The following SPIDR variants were observed in gnomAD, a reference collection of about 807,000 sequenced individuals.
The protein encoded by SPIDR is DNA repair-scaffolding protein.
Under a neutral mutation model 104.6 loss-of-function variants are expected in SPIDR, and 93 were observed. The observed-to-expected ratio is 0.89, with a 90% CI of 0.75 to 1.06. The LOEUF (loss-of-function observed/expected upper bound fraction) is 1.06, where lower values mean the gene tolerates loss of function less well. SPIDR is among the 50% of genes least tolerant of loss of function. SPIDR has a pLI of 0.00. For missense variants in SPIDR, 1,154 were observed against 1,111.2 expected (o/e 1.04, Z -0.55); for synonymous variants, 431 against 416.9 (o/e 1.03, Z -0.41).
chr8:47,685,914 T>C (rs1028216664), intron 11 of SPIDR, among the ~76,000 whole-genome samples: 2 of 151,668 alleles, frequency 1.3e-5, no homozygotes, highest in African/African-American at 4.8e-5. Context: ...CCCAGCACTT[T>C]GGGAGGCCAA....
intron 8 of SPIDR, among the ~76,000 whole-genome samples, chr8:47,495,388 C>CA (rs111275214): frequency 0.011 from 1,508 of 135,534 alleles, 10 homozygotes; most frequent in Middle Eastern, 0.015. Context: ...CCCTCCCACC[C>CA]AAAAAAAAAA....
intron 1 of SPIDR, among the ~76,000 whole-genome samples, chr8:47,274,033 C>G (rs2035867907): frequency 6.6e-6 from 1 of 152,024 alleles, no homozygotes; most frequent in Admixed American, 6.6e-5. Flanking sequence ...ATCTAGGGGC[C>G]CCACCCTAAG....
intron 5 of SPIDR, among the ~76,000 whole-genome samples, chr8:47,318,686 G>T (rs2045907071): frequency 6.7e-6 from 1 of 149,606 alleles, no homozygotes; most frequent in Non-Finnish European, 1.5e-5. Flanking sequence ...GTTAAGGGCA[G>T]CCAGAGAGAA....
intron 3 of SPIDR, among the ~76,000 whole-genome samples, chr8:47,284,961 G>C (rs1000025320): frequency 2.0e-5 from 3 of 152,242 alleles, no homozygotes; most frequent in African/African-American, 7.2e-5. Context: ...TGTGTAGGAA[G>C]AGTGAGGGCT....
chr8:47,537,739 G>A (rs1263846819), intron 8 of SPIDR, among the ~76,000 whole-genome samples: 1 of 152,130 alleles, frequency 6.6e-6, no homozygotes, highest in Non-Finnish European at 1.5e-5. Context: ...CTCACCAGCT[G>A]TAATAAATGT....
At chr8:47,506,432 A>G (rs1312973210) in intron 8 of SPIDR, among the ~76,000 whole-genome samples, 1 of 152,160 alleles carries the variant, frequency 6.6e-6, no homozygotes, top group African/African-American at 2.4e-5. Flanking sequence ...GCAGGTTCTC[A>G]GGGTGATCGT....
intron 7 of SPIDR, among the ~76,000 whole-genome samples, chr8:47,422,701 C>T (rs983657019): frequency 6.6e-6 from 1 of 152,204 alleles, no homozygotes; most frequent in African/African-American, 2.4e-5. Flanking sequence ...TTGTGTCGCT[C>T]ACGCTGGGAG....
chr8:47,370,576 A>C (rs1453766699), intron 5 of SPIDR, among the ~76,000 whole-genome samples: 1 of 150,150 alleles, frequency 6.7e-6, no homozygotes, highest in Non-Finnish European at 1.5e-5. Flanking sequence ...CCTCCCGAGC[A>C]TCAGGGATTA....
Position 47,302,566 on chromosome 8 carries a change from C to T in SPIDR, c.525+8536C>T, listed in dbSNP as rs1001639226. Among the ~76,000 whole-genome samples, 16 of 152,258 alleles carry T rather than the reference C, an allele frequency of 1.1e-4. No individual in the cohort carries two copies. The East Asian group carries it at 3.1e-3, about 29-fold the overall frequency. ...TTTTTCTGCTCTGTTTTTTCCCCATCTTTGTAGTTTTATGTACCTTTGGTC... is the reference window on the plus strand; with the variant it reads ...TTTTTCTGCTCTGTTTTTTCCCCATTTTTGTAGTTTTATGTACCTTTGGTC... On this transcript the variant is annotated intron_variant, in intron 5 of 19. Coordinates refer to ENST00000297423, the MANE Select transcript of SPIDR (RefSeq NM_001080394.4).
chr8:47,489,754 G>A (rs1289279967), intron 8 of SPIDR, among the ~76,000 whole-genome samples: 1 of 152,154 alleles, frequency 6.6e-6, no homozygotes, highest in East Asian at 1.9e-4. Flanking sequence ...AATGGGGAAA[G>A]GATTCCCTAT....
At chr8:47,503,693 A>G (rs1164288388) in intron 8 of SPIDR, among the ~76,000 whole-genome samples, 1 of 152,004 alleles carries the variant, frequency 6.6e-6, no homozygotes, top group Admixed American at 6.6e-5. Flanking sequence ...TTAGGTGGTT[A>G]TTTTGCTCAT....
chr8:47,472,235 T>C (rs1554721478), intron 8 of SPIDR, among the ~76,000 whole-genome samples: 1 of 152,218 alleles, frequency 6.6e-6, no homozygotes, highest in Non-Finnish European at 1.5e-5. Flanking sequence ...AGTCTGCTGC[T>C]CTGGGGCTAA....
intron 5 of SPIDR, among the ~76,000 whole-genome samples, chr8:47,386,902 G>GAGATAT (rs201038403): frequency 0.037 from 3,709 of 98,938 alleles, 83 homozygotes; most frequent in South Asian, 0.057. Flanking sequence ...AAGAGAGAGA[G>GAGATAT]AGATATAGAT....
At chr8:47,604,242 A>C (rs750498961) in intron 10 of SPIDR, among the ~76,000 whole-genome samples, 1 of 152,240 alleles carries the variant, frequency 6.6e-6, no homozygotes, top group Non-Finnish European at 1.5e-5. Context: ...TAAAGAGAAG[A>C]TGAAAGAGAA....
intron 8 of SPIDR, among the ~76,000 whole-genome samples, chr8:47,465,678 C>A (rs1554716487): frequency 1.3e-5 from 2 of 151,938 alleles, no homozygotes; most frequent in African/African-American, 4.8e-5. Flanking sequence ...GGAGGTTGCG[C>A]TGAGCCAGGA....
At chr8:47,718,880 G>C (rs1461435597) in intron 16 of SPIDR, among the ~76,000 whole-genome samples, 3 of 152,000 alleles carry the variant, frequency 2.0e-5, no homozygotes, top group South Asian at 2.1e-4. Context: ...CCATCACCCA[G>C]GTATTAAGCC....
rs948987743 is a variant in SPIDR, at chr8:47,320,902, T to A, written c.525+26872T>A. On this transcript the variant is annotated intron_variant, in intron 5 of 19. Transcript: ENST00000297423. ...GCCTTTGACAAAATTTAACAACCCT[T>A]CATGCTAAAAACTCTCAATAAATTA... Among the ~76,000 whole-genome samples the A allele has an allele frequency of 3.3e-5, 5 of 152,168 alleles. No homozygotes were observed. The South Asian group carries it at 1.0e-3, about 32-fold the overall frequency.
At chr8:47,360,419 C>A (rs2055616018) in intron 5 of SPIDR, among the ~76,000 whole-genome samples, 3 of 151,902 alleles carry the variant, frequency 2.0e-5, no homozygotes, top group South Asian at 4.2e-4. Flanking sequence ...TTTGGTAAGC[C>A]AGGAGAAATT....
At chr8:47,333,124 C>A (rs2154269323) in intron 5 of SPIDR, among the ~76,000 whole-genome samples, 1 of 152,264 alleles carries the variant, frequency 6.6e-6, no homozygotes, top group East Asian at 1.9e-4. Context: ...CACTGTCTTC[C>A]ACCTCCGTAT....
Sources: allele counts gnomAD v4.1 joint callset (sites outside exome capture counted in the v4.1 genomes callset), GRCh38; gene constraint gnomAD v4.1.1; transcripts MANE v1.5; gene names NCBI Gene and HGNC (gene_info 2026-07-23, HGNC 2026-07-21).